Variants in LARP4 observed in about 807,000 individuals in gnomAD.
LARP4 encodes the protein la-related protein 4.
A neutral mutation model predicts 92.9 loss-of-function variants in LARP4; 29 were observed. That is an observed-to-expected ratio of 0.31 (90% CI 0.23 to 0.43). LARP4 has a LOEUF of 0.43. LARP4 is among the 20% of genes least tolerant of loss of function. LARP4 has a pLI of 1.00. For synonymous variants in LARP4, 279 were observed against 284.1 expected, an observed-to-expected ratio of 0.98 and a Z score of 0.18; for missense variants, 732 against 860.0, an observed-to-expected ratio of 0.85 and a Z score of 1.86.
At chr12:50,469,330 T>C (rs1307935535) in intron 13 of LARP4, among the ~76,000 whole-genome samples, 2 of 151,866 alleles carry the variant, frequency 1.3e-5, no homozygotes, top group Non-Finnish European at 2.9e-5. Context: ...GTAGGCCAGG[T>C]GCGGTGGCTT....
intron 1 of LARP4, among the ~76,000 whole-genome samples, chr12:50,421,106 C>T (rs572451285): frequency 1.5e-5 from 2 of 129,548 alleles, no homozygotes; most frequent in Non-Finnish European, 1.6e-5. Context: ...CATGCCACCA[C>T]GTCCAGCTAA....
At chr12:50,421,016 C>A (rs2136767789) in intron 1 of LARP4, 1 of 138,144 alleles carries the variant, frequency 7.2e-6, no homozygotes, top group Non-Finnish European at 1.5e-5. Flanking sequence ...GTGGCGCTAT[C>A]TCGGCTCACT....
chr12:50,434,411 C>CTTTTTTTTTTTT (rs1292182964), intron 4 of LARP4, among the ~76,000 whole-genome samples: 6 of 136,980 alleles, frequency 4.4e-5, no homozygotes, highest in East Asian at 2.1e-4. Flanking sequence ...TTTTATTTTT[C>CTTTTTTTTTTTT]TTTTTTTTTT....
At chr12:50,473,355 G>GT (rs1957144809) in intron 13 of LARP4, 60 bp from the exon 14 acceptor site, 7 of 1,263,768 alleles carry the variant, frequency 5.5e-6, no homozygotes, top group Non-Finnish European at 8.0e-6. Flanking sequence ...CTTATTAGAC[G>GT]TGTATATCTT....
At chr12:50,456,574 C>T (rs1954284035) in intron 10 of LARP4, among the ~76,000 whole-genome samples, 1 of 152,140 alleles carries the variant, frequency 6.6e-6, no homozygotes, top group South Asian at 2.1e-4. Context: ...CCTGTGACAG[C>T]CCAGTGATGA....
At chr12:50,444,335 T>G (rs1045098126) in intron 8 of LARP4, among the ~76,000 whole-genome samples, 1 of 152,206 alleles carries the variant, frequency 6.6e-6, no homozygotes, top group African/African-American at 2.4e-5. Flanking sequence ...TTTCTATTGC[T>G]TTTGCTGGGG....
rs1955437941 is a variant in LARP4, at chr12:50,461,849, T to C, written c.1334+502T>C. ...GGCAGGCGCCTGTAATCCCAGCTAC[T>C]TGGGAGCCTGAGGTAGGAGAATCAC... On this transcript the variant is annotated intron_variant, in intron 11 of 15. Transcript: ENST00000398473. Among the ~76,000 whole-genome samples the C allele has an allele frequency of 1.3e-5, 2 of 151,968 alleles. 1 individual carries two copies. The highest frequency in any genetic ancestry group is 1.3e-4 in the Admixed American group (2 of 15,248).
chr12:50,465,338 C>A (rs1320225545), intron 12 of LARP4, among the ~76,000 whole-genome samples: 4 of 147,012 alleles, frequency 2.7e-5, no homozygotes, highest in African/African-American at 7.5e-5. Context: ...TGCCACTGCA[C>A]TCCAGCCTGG....
chr12:50,457,935 CTTT>C (rs58926495), intron 10 of LARP4, among the ~76,000 whole-genome samples: 21 of 140,100 alleles, frequency 1.5e-4, no homozygotes, highest in African/African-American at 5.2e-4. Context: ...CTCAACCCAA[CTTT>C]TTTTTTTTTT....
chr12:50,475,396 ATATG>A (rs1228399125), intron 15 of LARP4, 126 bp from the exon 16 acceptor site: 1 of 707,158 alleles, frequency 1.4e-6, no homozygotes, highest in Non-Finnish European at 2.4e-6. Context: ...TAAGCAGTAT[ATATG>A]AGAGTGCTTG....
At chr12:50,412,838 A>G (rs920110676) in intron 1 of LARP4, among the ~76,000 whole-genome samples, 2 of 152,154 alleles carry the variant, frequency 1.3e-5, no homozygotes, top group Admixed American at 6.6e-5. Context: ...CGTTTAGTAG[A>G]TATTTATAAA....
At chr12:50,464,899 A>G (rs1291038871) in intron 12 of LARP4, among the ~76,000 whole-genome samples, 1 of 150,192 alleles carries the variant, frequency 6.7e-6, no homozygotes, top group Admixed American at 6.6e-5. Context: ...CATGTTGGCC[A>G]GGCTGGTCTC....
intron 8 of LARP4, among the ~76,000 whole-genome samples, chr12:50,444,354 T>C (rs188101195): frequency 6.6e-6 from 1 of 152,358 alleles, no homozygotes; most frequent in East Asian, 1.9e-4. Flanking sequence ...GGGTCTCAGA[T>C]ATAGTAGTAA....
chr12:50,410,809 A>G (rs1438126533), intron 1 of LARP4, among the ~76,000 whole-genome samples: 1 of 152,104 alleles, frequency 6.6e-6, no homozygotes, highest in Non-Finnish European at 1.5e-5. Flanking sequence ...GTGACCCCCA[A>G]AAGGTTAAGT....
intron 1 of LARP4, among the ~76,000 whole-genome samples, chr12:50,404,550 C>T (rs1273262451): frequency 6.6e-6 from 1 of 151,998 alleles, no homozygotes; most frequent in East Asian, 1.9e-4. Flanking sequence ...GCAAGACCAA[C>T]TATATTGACT....
chr12:50,433,826 G>C (rs1565597346), intron 4 of LARP4, among the ~76,000 whole-genome samples: 3 of 152,024 alleles, frequency 2.0e-5, no homozygotes, highest in African/African-American at 4.8e-5. Flanking sequence ...TTTTAGTAGA[G>C]ACGAGGTTTT....
rs539791377 is a variant in LARP4 at position 50,448,805 on chromosome 12, G to A, written c.805-4655G>A. 7.9e-5 allele frequency among the ~76,000 whole-genome samples: 12 copies of A among 152,244 alleles called. No individual in the cohort carries two copies. In the East Asian group the frequency reaches 2.3e-3, roughly 29 times the overall value. On this transcript the variant is annotated intron_variant, in intron 8 of 15. Coordinates refer to ENST00000398473, the MANE Select transcript of LARP4 (RefSeq NM_052879.5). ...CTCACAAAGTTCTGGGATTGCAGGC[G>A]TGAGCCACTGCACCCAGCCGAGATT...
At chr12:50,473,653 G>C in intron 14 of LARP4, 117 bp downstream of exon 14, 1 of 1,046,960 alleles carries the variant, frequency 9.6e-7, no homozygotes, top group South Asian at 1.5e-5. Context: ...ATCACCTGAG[G>C]TCGGGAGTTC....
intron 1 of LARP4, among the ~76,000 whole-genome samples, chr12:50,410,446 C>T (rs1945665837): frequency 6.7e-6 from 1 of 148,436 alleles, no homozygotes; most frequent in Non-Finnish European, 1.5e-5. Flanking sequence ...CTCGCTGTTG[C>T]CCAGGCTGGA....
Sources: allele counts gnomAD v4.1 joint callset (sites outside exome capture counted in the v4.1 genomes callset), GRCh38; gene constraint gnomAD v4.1.1; transcripts MANE v1.5; gene names NCBI Gene and HGNC (gene_info 2026-07-23, HGNC 2026-07-21).